The following TARM1 variants were observed in gnomAD, a reference collection of about 807,000 sequenced individuals.
The protein encoded by TARM1 is T cell-interacting, activating receptor on myeloid cells 1, also known as T-cell-interacting, activating receptor on myeloid cells protein 1.
A neutral mutation model predicts 30.4 loss-of-function variants in TARM1; 24 were observed. That is an observed-to-expected ratio of 0.79 (90% confidence interval 0.57 to 1.11). The LOEUF is 1.11. Among genes scored for constraint, TARM1 ranks in the 50% least tolerant of loss-of-function variants. The pLI is 0.00. For synonymous variants in TARM1, 129 were observed against 138.9 expected, an observed-to-expected ratio of 0.93 and a Z score of 0.50; for missense variants, 323 against 332.8, an observed-to-expected ratio of 0.97 and a Z score of 0.23.
rs2071876308 is a variant in TARM1, at chr19:54,073,983, A to C, written c.595T>G (p.Tyr199Asp). ...GDAGNYSCMYYQTKSPFWASE... is the reference protein window; with the variant it reads ...GDAGNYSCMYDQTKSPFWASE... ...GCCCAGAAGGGAGACTTTGTCTGGT[A>C]GTACATGCAGCTGTAGTTCCCAGCA... The change falls in exon 4 of 5, where the codon TAC becomes GAC. Residue 199 changes from tyrosine (Y) to aspartate (D), a missense_variant. Tyr to Asp is a radical substitution (Grantham distance 160). Transcript: ENST00000432826. 3 of 1,551,686 alleles carry C rather than the reference A, an allele frequency of 1.9e-6. No individual in the cohort carries two copies. The highest frequency in any genetic ancestry group is 2.6e-6 in the Non-Finnish European group (3 of 1,146,978).
intron 3 of TARM1, 73 bp downstream of exon 3, chr19:54,074,751 T>G: frequency 6.8e-7 from 1 of 1,470,162 alleles, no homozygotes; most frequent in African/African-American, 1.4e-5. Context: ...GGACCCCTTT[T>G]CTCCCTCTGT....
At chr19:54,077,345 A>G (rs1269304169) in intron 1 of TARM1, among the ~76,000 whole-genome samples, 2 of 151,714 alleles carry the variant, frequency 1.3e-5, no homozygotes, top group African/African-American at 4.8e-5. Context: ...GCACCACTGC[A>G]CTCCAGCCTG....
intron 4 of TARM1, 61 bp from the exon 5 acceptor site, chr19:54,070,221 C>A: frequency 6.7e-7 from 1 of 1,502,792 alleles, no homozygotes; most frequent in South Asian, 1.3e-5. Context: ...CTCAAATGGC[C>A]CCACCAAATC....
At chr19:54,072,362 C>A (rs1352085684) in intron 4 of TARM1, among the ~76,000 whole-genome samples, 1 of 152,062 alleles carries the variant, frequency 6.6e-6, no homozygotes, top group African/African-American at 2.4e-5. Context: ...ATTTACAGAG[C>A]TGAGGAAGCA....
chr19:54,075,115 C>G lies in TARM1; in HGVS notation c.71-1G>C. The G allele has an allele frequency of 6.4e-7, 1 of 1,550,562 alleles. No individual in the cohort carries two copies. The highest frequency in any genetic ancestry group is 8.7e-7 in the Non-Finnish European group (1 of 1,146,458). ...CTGAGGGACGGCTTGGGCAGTGACC[C>G]TGGAAGGAAGCAGAGCCTGATGCTG... On this transcript the variant is annotated splice_acceptor_variant, in intron 2 of 4. Transcript: ENST00000432826. LOFTEE classifies it high-confidence loss of function.
At chr19:54,076,094 C>T in intron 1 of TARM1, 176 bp from the exon 2 acceptor site, 1 of 1,460,926 alleles carries the variant, frequency 6.8e-7, no homozygotes. Flanking sequence ...ACTTCCAGCT[C>T]CTCCATCCTT....
At chr19:54,076,118 C>A (rs2071944461) in intron 1 of TARM1, 200 bp from the exon 2 acceptor site, 2 of 1,474,592 alleles carry the variant, frequency 1.4e-6, no homozygotes, top group South Asian at 1.3e-5. Flanking sequence ...CAGAGATTCT[C>A]CTTGACCATC....
In TARM1 at chr19:54,076,359, T is replaced by A. The variant is rs977073119; in HGVS notation, c.35-441A>T. ...CTTTCTTTCTTTCTTTCATTCATTC[T>A]TTCTTTCTTTCATTCATTCCAGAGA... On this transcript the variant is annotated intron_variant, in intron 1 of 4. Transcript: ENST00000432826. 102 of 787,620 alleles carry A rather than the reference T, an allele frequency of 1.3e-4. No homozygotes were observed. The African/African-American group carries it at 1.4e-3, about 11-fold the overall frequency. 48.8% of individuals were successfully genotyped at this position (787,620 alleles called of 1,614,324 possible).
intron 2 of TARM1, 127 bp downstream of exon 2, chr19:54,075,756 G>T: frequency 1.9e-6 from 2 of 1,060,366 alleles, no homozygotes; most frequent in Middle Eastern, 2.3e-4. Context: ...TTGCACCACC[G>T]CACTCCAGCC....
chr19:54,075,155 C>G (rs1232552321), intron 2 of TARM1, 41 bp from the exon 3 acceptor site: 8 of 1,499,862 alleles, frequency 5.3e-6, no homozygotes, highest in Non-Finnish European at 7.1e-6. Flanking sequence ...CGATGCCCTC[C>G]CCTGCTCTCA....
intron 1 of TARM1, among the ~76,000 whole-genome samples, chr19:54,080,887 G>A (rs890310119): frequency 1.3e-5 from 2 of 151,964 alleles, no homozygotes; most frequent in East Asian, 1.9e-4. Context: ...CAGGAGAATC[G>A]CTTGAACCCG....
Position 54,069,950 on chromosome 19 carries a change from T to C in TARM1, c.*53A>G. 1 of 1,393,432 alleles carries C rather than the reference T, an allele frequency of 7.2e-7. No individual in the cohort carries two copies. Among genetic ancestry groups the C allele is most frequent in the Non-Finnish European group, 9.9e-7 (1 of 1,012,324 alleles). 86.3% of individuals were successfully genotyped at this position (1,393,432 alleles called of 1,614,324 possible). On this transcript the variant is annotated 3_prime_UTR_variant, in exon 5 of 5. Coordinates refer to ENST00000432826, the MANE Select transcript of TARM1 (RefSeq NM_001135686.3). ...TTAGAAAGCCTCAACCCCCTGGGAA[T>C]GCAGTCCAGCAGGTTGCAGCCTCAG...
At chr19:54,080,119 G>GAAA (rs2072069585) in intron 1 of TARM1, among the ~76,000 whole-genome samples, 810 of 38,930 alleles carry the variant, frequency 0.021, 67 homozygotes, top group African/African-American at 0.039. Context: ...AAGGAAGGAA[G>GAAA]GAAGGAAGGA....
intron 1 of TARM1, among the ~76,000 whole-genome samples, chr19:54,080,502 GGAAGGAAGGA>G (rs2072101091): frequency 1.3e-5 from 1 of 75,312 alleles, no homozygotes; most frequent in South Asian, 4.4e-4. Flanking sequence ...AAGGGAGGAA[GGAAGGAAGGA>G]AGGAAGGAAG....
chr19:54,073,892 A>G, intron 4 of TARM1, 28 bp downstream of exon 4: 1 of 1,541,002 alleles, frequency 6.5e-7, no homozygotes, highest in South Asian at 1.2e-5. Context: ...CAACACACAC[A>G]GTTCCTCAAA....
At chr19:54,077,349 C>T (rs2146219264) in intron 1 of TARM1, among the ~76,000 whole-genome samples, 1 of 151,534 alleles carries the variant, frequency 6.6e-6, no homozygotes, top group Non-Finnish European at 1.5e-5. Context: ...CACTGCACTC[C>T]AGCCTGGCCA....
At chr19:54,075,183 T>TTTA (rs34261191) in intron 2 of TARM1, 69 bp from the exon 3 acceptor site, 426,566 of 990,448 alleles carry the variant, frequency 0.43, 89,481 homozygotes, top group Middle Eastern at 0.46. Flanking sequence ...CTTTTTAAAA[T>TTTA]TTATTATTAT....
At chr19:54,071,016 G>A (rs111659747) in intron 4 of TARM1, among the ~76,000 whole-genome samples, 5 of 151,990 alleles carry the variant, frequency 3.3e-5, no homozygotes, top group South Asian at 2.1e-4. Context: ...GGAGTGCAGC[G>A]ACGCAGTCTC....
At chr19:54,077,165 G>A (rs1461504541) in intron 1 of TARM1, among the ~76,000 whole-genome samples, 2 of 151,892 alleles carry the variant, frequency 1.3e-5, no homozygotes, top group Non-Finnish European at 2.9e-5. Flanking sequence ...GGTGGATCAC[G>A]AGGTCAGGAG....
Sources: allele counts gnomAD v4.1 joint callset (sites outside exome capture counted in the v4.1 genomes callset), GRCh38; gene constraint gnomAD v4.1.1; transcripts MANE v1.5; gene names NCBI Gene and HGNC (gene_info 2026-07-23, HGNC 2026-07-21).